Variants in MARCHF11 observed in about 807,000 individuals in gnomAD.
MARCHF11 encodes the protein membrane associated ring-CH-type finger 11.
Under a neutral mutation model 37.3 loss-of-function variants are expected in MARCHF11, and 29 were observed. The ratio of observed to expected loss-of-function variants is 0.78; its 90% CI spans 0.58 to 1.06. The LOEUF is 1.06. MARCHF11 is among the 50% of genes least tolerant of loss of function. MARCHF11 has a pLI of 0.00. For synonymous variants in MARCHF11, 233 were observed against 228.0 expected (o/e 1.02, Z -0.20); for missense variants, 482 against 533.4 (o/e 0.90, Z 0.95).
intron 2 of MARCHF11, among the ~76,000 whole-genome samples, chr5:16,175,375 G>A (rs1738338807): frequency 6.6e-6 from 1 of 152,152 alleles, no homozygotes; most frequent in Non-Finnish European, 1.5e-5. Context: ...GCCTTTTCCA[G>A]GACAAGTCCT....
chr5:16,101,396 C>T (rs550382282), intron 2 of MARCHF11, among the ~76,000 whole-genome samples: 1 of 152,164 alleles, frequency 6.6e-6, no homozygotes, highest in African/African-American at 2.4e-5. Flanking sequence ...TGCATTTTAG[C>T]TTTTCAGTTT....
intron 2 of MARCHF11, among the ~76,000 whole-genome samples, chr5:16,093,412 G>A (rs1736816480): frequency 6.6e-6 from 1 of 152,152 alleles, no homozygotes; most frequent in African/African-American, 2.4e-5. Context: ...AATTCACCGT[G>A]GTGTCTGTAG....
chr5:16,159,120 A>T (rs565738153), intron 2 of MARCHF11, among the ~76,000 whole-genome samples: 26 of 151,924 alleles, frequency 1.7e-4, no homozygotes, highest in Middle Eastern at 3.4e-3. Context: ...GTAACTATTT[A>T]AAAAAAACCA....
At chr5:16,146,745 C>A (rs569557412) in intron 2 of MARCHF11, among the ~76,000 whole-genome samples, 194 of 152,246 alleles carry the variant, frequency 1.3e-3, no homozygotes, top group Non-Finnish European at 1.8e-3. Flanking sequence ...GGAGGACAAT[C>A]AACAATCTCA....
chr5:16,099,054 T>C (rs1736914865), intron 2 of MARCHF11, among the ~76,000 whole-genome samples: 2 of 152,170 alleles, frequency 1.3e-5, no homozygotes, highest in Non-Finnish European at 1.5e-5. Context: ...ACACTCACTT[T>C]TTAAGCTTAA....
At chr5:16,069,494 G>A (rs1367078479) in intron 3 of MARCHF11, among the ~76,000 whole-genome samples, 3 of 152,028 alleles carry the variant, frequency 2.0e-5, no homozygotes, top group African/African-American at 7.2e-5. Flanking sequence ...TTTGGTGACT[G>A]AATAATTCAA....
chr5:16,071,982 C>T (rs1736446789), intron 3 of MARCHF11, among the ~76,000 whole-genome samples: 1 of 151,954 alleles, frequency 6.6e-6, no homozygotes, highest in Non-Finnish European at 1.5e-5. Context: ...TTTTTTGAGA[C>T]AGAGTCTCGC....
In MARCHF11 at chr5:16,179,791, T is replaced by C. The variant is rs1738447409; in HGVS notation, c.-216A>G. Reference sequence around the variant, plus strand: ...TTCGGTGGAGCCGCCGGCTCGGCTCTGATGGAGGCGGCGCCGAATTCGGCT... The same window carrying C: ...TTCGGTGGAGCCGCCGGCTCGGCTCCGATGGAGGCGGCGCCGAATTCGGCT... On this transcript the variant is annotated 5_prime_UTR_variant, in exon 1 of 4. Coordinates refer to ENST00000332432, the MANE Select transcript of MARCHF11 (RefSeq NM_001102562.3). 5.4e-6 allele frequency: 1 copy of C among 183,822 alleles called. No individual in the cohort carries two copies. Among genetic ancestry groups the C allele is most frequent in the East Asian group, 1.3e-4 (1 of 7,712 alleles). 11.4% of individuals were successfully genotyped at this position (183,822 alleles called of 1,614,324 possible). A position where few individuals can be genotyped will look rare whatever the true frequency, so the allele number is the denominator to read the frequency against.
intron 2 of MARCHF11, among the ~76,000 whole-genome samples, chr5:16,164,160 G>C (rs1738133978): frequency 1.3e-5 from 2 of 151,990 alleles, no homozygotes. Context: ...CTATGACATA[G>C]AGACAAAGGA....
intron 2 of MARCHF11, among the ~76,000 whole-genome samples, chr5:16,135,262 AG>A (rs1165608393): frequency 1.3e-5 from 2 of 152,204 alleles, no homozygotes; most frequent in Admixed American, 6.5e-5. Context: ...TCATTTACAG[AG>A]GATAAACCAA....
rs769331976 is a variant in MARCHF11 at position 16,106,250 on chromosome 5, C to A, written c.694-15169G>T. 4.6e-5 allele frequency among the ~76,000 whole-genome samples: 7 copies of A among 152,070 alleles called. No homozygotes were observed. In the South Asian group the frequency reaches 1.2e-3, roughly 27 times the overall value. ...TGAGCAAGCGGTGTCTCTGTGGCAC[C>A]CCATTCAAAATAAGCCTATGTCTAC... On this transcript the variant is annotated intron_variant, in intron 2 of 3. Transcript: ENST00000332432.
chr5:16,162,946 G>A lies in MARCHF11; in HGVS notation c.693+14780C>T, dbSNP rs77005562. Reference sequence around the variant, plus strand: ...ATTAAGAAATGAAACATAGAGTAGCGTTGTTGCTTATACAGCTGAGTAAGT... The same window carrying A: ...ATTAAGAAATGAAACATAGAGTAGCATTGTTGCTTATACAGCTGAGTAAGT... On this transcript the variant is annotated intron_variant, in intron 2 of 3. Coordinates refer to ENST00000332432, the MANE Select transcript of MARCHF11 (RefSeq NM_001102562.3). Among the ~76,000 whole-genome samples the A allele has an allele frequency of 4.9e-3, 739 of 152,092 alleles. 9 individuals are homozygous for A. Among genetic ancestry groups the A allele is most frequent in the African/African-American group, 0.012 (518 of 41,534 alleles).
chr5:16,155,099 T>TA (rs554933932), intron 2 of MARCHF11, among the ~76,000 whole-genome samples: 160 of 152,042 alleles, frequency 1.1e-3, no homozygotes, highest in African/African-American at 3.5e-3. Flanking sequence ...AACTGTTAGA[T>TA]AACTGTTAAA....
At chr5:16,150,259 T>C (rs954418660) in intron 2 of MARCHF11, among the ~76,000 whole-genome samples, 1 of 149,644 alleles carries the variant, frequency 6.7e-6, no homozygotes, top group South Asian at 2.1e-4. Flanking sequence ...AGCTAATTCC[T>C]GCTGCAGTCT....
intron 2 of MARCHF11, among the ~76,000 whole-genome samples, chr5:16,102,398 C>T (rs574150515): frequency 1.3e-5 from 2 of 152,330 alleles, no homozygotes; most frequent in African/African-American, 4.8e-5. Context: ...TAAATGAGAA[C>T]TTGACATCCC....
intron 3 of MARCHF11, among the ~76,000 whole-genome samples, chr5:16,089,348 C>T (rs1243054543): frequency 1.3e-5 from 2 of 152,074 alleles, no homozygotes; most frequent in Non-Finnish European, 2.9e-5. Context: ...TTTTGTGATT[C>T]TTCTTTATTA....
intron 2 of MARCHF11, among the ~76,000 whole-genome samples, chr5:16,108,069 G>A (rs1194949050): frequency 6.6e-6 from 1 of 152,246 alleles, no homozygotes. Context: ...CTGCCCTTGT[G>A]AAAAGGCAGA....
chr5:16,178,002 G>T, intron 1 of MARCHF11, 121 bp from the exon 2 acceptor site: 1 of 932,536 alleles, frequency 1.1e-6, no homozygotes, highest in Non-Finnish European at 1.5e-6. Context: ...CTCTATCATA[G>T]GAAATGAAAT....
Position 16,080,089 on chromosome 5 carries a change from T to C in MARCHF11, c.886+10800A>G, listed in dbSNP as rs140056637. Among the ~76,000 whole-genome samples the C allele has an allele frequency of 2.7e-3, 408 of 152,276 alleles. 1 individual carries two copies. Among genetic ancestry groups the C allele is most frequent in the African/African-American group, 9.2e-3 (384 of 41,548 alleles). On this transcript the variant is annotated intron_variant, in intron 3 of 3. Coordinates refer to ENST00000332432, the MANE Select transcript of MARCHF11 (RefSeq NM_001102562.3). ...ACCTCCTTCTGGCTTCTACCCTCAT[T>C]TAACTGTGTCCTTTGTCAGCTAAGA...
Sources: allele counts gnomAD v4.1 joint callset (sites outside exome capture counted in the v4.1 genomes callset), GRCh38; gene constraint gnomAD v4.1.1; transcripts MANE v1.5; gene names NCBI Gene and HGNC (gene_info 2026-07-23, HGNC 2026-07-21).